The following GPC6 variants were observed in gnomAD, a reference collection of about 807,000 sequenced individuals.
The protein encoded by GPC6 is glypican-6.
In GPC6, 14 loss-of-function variants were observed where a neutral mutation model predicts 55.2. That is an observed-to-expected ratio of 0.25 (90% CI 0.17 to 0.40). The LOEUF is 0.40. GPC6 is among the 10% of genes least tolerant of loss of function. The pLI, the probability that GPC6 is intolerant of heterozygous loss-of-function variation, is 1.00. For missense variants in GPC6, 641 were observed against 708.5 expected, an observed-to-expected ratio of 0.90 and a Z score of 1.08; for synonymous variants, 278 against 259.6, an observed-to-expected ratio of 1.07 and a Z score of -0.68.
At chr13:94,072,744 T>C (rs1253417272) in intron 4 of GPC6, among the ~76,000 whole-genome samples, 1 of 152,172 alleles carries the variant, frequency 6.6e-6, no homozygotes, top group African/African-American at 2.4e-5. Flanking sequence ...TCTCAAGATA[T>C]TTGTGGTCTG....
chr13:94,311,659 AAAAG>A (rs1280726296), intron 6 of GPC6, among the ~76,000 whole-genome samples: 2 of 152,330 alleles, frequency 1.3e-5, no homozygotes, highest in East Asian at 3.9e-4. Context: ...CATGTTTTTA[AAAAG>A]AAATTGTCCC....
At chr13:93,618,071 T>G (rs9584144) in intron 2 of GPC6, among the ~76,000 whole-genome samples, 2,491 of 152,132 alleles carry the variant, frequency 0.016, 58 homozygotes, top group African/African-American at 0.055. Context: ...GTACAAAATG[T>G]AAAAGCAAAC....
At chr13:94,297,479 A>G (rs78120492) in intron 5 of GPC6, among the ~76,000 whole-genome samples, 1,810 of 152,318 alleles carry the variant, frequency 0.012, 44 homozygotes, top group African/African-American at 0.041. Context: ...TTTGCTTTGT[A>G]AAGTTCCTTG....
chr13:94,208,723 T>A (rs1331330025), intron 4 of GPC6, among the ~76,000 whole-genome samples: 1 of 124,078 alleles, frequency 8.1e-6, no homozygotes, highest in African/African-American at 3.2e-5. Flanking sequence ...TTGAGACAAA[T>A]GTGGGCAGCA....
chr13:93,820,291 C>T (rs1300691262), intron 2 of GPC6, among the ~76,000 whole-genome samples: 5 of 152,034 alleles, frequency 3.3e-5, no homozygotes, highest in Admixed American at 6.6e-5. Flanking sequence ...ATTTACTTGA[C>T]TTACTGAATA....
At chr13:94,339,751 C>CTTTTTTTTTTTTTTT (rs56074677) in intron 6 of GPC6, among the ~76,000 whole-genome samples, 12 of 63,812 alleles carry the variant, frequency 1.9e-4, no homozygotes, top group East Asian at 8.7e-4. Flanking sequence ...GCATACTTTC[C>CTTTTTTTTTTTTTTT]TTTTTTTTTT....
chr13:94,022,867 T>G (rs996645686), intron 3 of GPC6, among the ~76,000 whole-genome samples: 6 of 152,076 alleles, frequency 3.9e-5, no homozygotes, highest in African/African-American at 1.2e-4. Context: ...TTGTGTCATC[T>G]TTGGAGAAAT....
At chr13:93,690,860 T>C (rs981777967) in intron 2 of GPC6, among the ~76,000 whole-genome samples, 2 of 152,068 alleles carry the variant, frequency 1.3e-5, no homozygotes, top group Non-Finnish European at 2.9e-5. Context: ...TCTGCAGCAT[T>C]TTTTTCTTTT....
intron 3 of GPC6, among the ~76,000 whole-genome samples, chr13:93,955,159 T>G (rs191817970): frequency 2.0e-3 from 300 of 151,954 alleles, no homozygotes; most frequent in Non-Finnish European, 3.4e-3. Flanking sequence ...TTTTTGTTAC[T>G]TCACCACCAC....
chr13:93,994,472 A>G (rs1881449260), intron 3 of GPC6, among the ~76,000 whole-genome samples: 1 of 152,148 alleles, frequency 6.6e-6, no homozygotes, highest in South Asian at 2.1e-4. Context: ...TAATAGTTCA[A>G]TTCCCATTTC....
chr13:94,036,965 G>C (rs1018607888), intron 4 of GPC6, among the ~76,000 whole-genome samples: 2 of 151,956 alleles, frequency 1.3e-5, no homozygotes, highest in African/African-American at 4.8e-5. Context: ...GTTATTGTTA[G>C]ATCAGTTTCG....
intron 6 of GPC6, among the ~76,000 whole-genome samples, chr13:94,307,287 T>C (rs1013651484): frequency 2.0e-5 from 3 of 151,572 alleles, no homozygotes; most frequent in Non-Finnish European, 4.4e-5. Context: ...TTGTAGTTGC[T>C]GCAACCTTCT....
intron 4 of GPC6, among the ~76,000 whole-genome samples, chr13:94,118,584 C>T (rs1291983420): frequency 2.0e-5 from 3 of 152,126 alleles, no homozygotes; most frequent in South Asian, 2.1e-4. Context: ...TTTCTATTTG[C>T]CCTGCATTAT....
At chr13:94,119,865 C>T (rs537753880) in intron 4 of GPC6, among the ~76,000 whole-genome samples, 14 of 152,054 alleles carry the variant, frequency 9.2e-5, no homozygotes, top group African/African-American at 3.4e-4. Context: ...AACAGTCACA[C>T]CAGGGCTGAG....
chr13:94,022,080 C>CTGGGTAAGAG (rs1882717381), intron 3 of GPC6, among the ~76,000 whole-genome samples: 1 of 152,018 alleles, frequency 6.6e-6, no homozygotes, highest in Non-Finnish European at 1.5e-5. Flanking sequence ...CCCAGTCACC[C>CTGGGTAAGAG]ATCCCCTCTC....
chr13:94,066,713 G>T (rs763927189), intron 4 of GPC6, among the ~76,000 whole-genome samples: 1 of 152,168 alleles, frequency 6.6e-6, no homozygotes, highest in Non-Finnish European at 1.5e-5. Flanking sequence ...TCTCTCCTAT[G>T]CTTGGCATTG....
chr13:93,798,740 G>A (rs912563516), intron 2 of GPC6, among the ~76,000 whole-genome samples: 1 of 151,906 alleles, frequency 6.6e-6, no homozygotes, highest in Admixed American at 6.6e-5. Context: ...CTAACATGGT[G>A]AAAACCCATC....
At chr13:93,305,609 A>AT (rs1333349364) in intron 1 of GPC6, among the ~76,000 whole-genome samples, 1 of 152,150 alleles carries the variant, frequency 6.6e-6, no homozygotes, top group African/African-American at 2.4e-5. Flanking sequence ...TAAGTCTCTT[A>AT]TTTTTTGAAT....
chr13:93,587,594 C>T (rs1877265154), intron 2 of GPC6, among the ~76,000 whole-genome samples: 1 of 152,114 alleles, frequency 6.6e-6, no homozygotes, highest in Non-Finnish European at 1.5e-5. Context: ...TCCCCTTGCT[C>T]TCTGACCACA....
Sources: allele counts gnomAD v4.1 joint callset (sites outside exome capture counted in the v4.1 genomes callset), GRCh38; gene constraint gnomAD v4.1.1; transcripts MANE v1.5; gene names NCBI Gene and HGNC (gene_info 2026-07-23, HGNC 2026-07-21).